CABLES1: variants seen among roughly 807,000 people sequenced by gnomAD.
CABLES1 encodes Cdk5 and Abl enzyme substrate 1.
A neutral mutation model predicts 57.8 loss-of-function variants in CABLES1; 36 were observed. The observed-to-expected ratio is 0.62, with a 90% confidence interval of 0.48 to 0.82. The LOEUF (loss-of-function observed/expected upper bound fraction) is 0.82. Among genes scored for constraint, CABLES1 ranks in the 40% least tolerant of loss-of-function variants. The pLI is 0.00. For synonymous variants in CABLES1, 374 were observed against 363.0 expected (o/e 1.03, Z -0.35); for missense variants, 767 against 836.6 (o/e 0.92, Z 1.03).
At chr18:23,171,951 CAG>C (rs778505377) in intron 1 of CABLES1, among the ~76,000 whole-genome samples, 2 of 152,164 alleles carry the variant, frequency 1.3e-5, no homozygotes, top group African/African-American at 4.8e-5. Flanking sequence ...TTATTTGAGA[CAG>C]AGTCTCACCC....
chr18:23,256,960 C>T (rs2048182489), intron 9 of CABLES1, among the ~76,000 whole-genome samples: 1 of 152,144 alleles, frequency 6.6e-6, no homozygotes, highest in Admixed American at 6.5e-5. Flanking sequence ...GGAGCATGAA[C>T]CATGTCATAT....
Position 23,243,904 on chromosome 18 carries a change from A to G in CABLES1, c.1446+6659A>G, listed in dbSNP as rs140588689. ...AAAAAAAAAAAACTAATACAAAACAAGAGTTTGACATTTCACCCAAGATTT... is the reference window on the plus strand; with the variant it reads ...AAAAAAAAAAAACTAATACAAAACAGGAGTTTGACATTTCACCCAAGATTT... On this transcript the variant is annotated intron_variant, in intron 7 of 9. Transcript: ENST00000256925. Among the ~76,000 whole-genome samples, 764 of 152,104 alleles carry G rather than the reference A, an allele frequency of 5.0e-3. 9 individuals carry two copies. Among genetic ancestry groups the G allele is most frequent in the African/African-American group, 0.017 (713 of 41,480 alleles).
chr18:23,257,328 A>C lies in CABLES1; in HGVS notation c.1863A>C (p.Glu621Asp), dbSNP rs550806538. ...LEFALHLPEH[E>D]VMPHYRRLVQ... ...TCGCCCTCCACTTGCCCGAGCACGA[A>C]GTCATGCCCCACTACAGACGGCTGG... The change falls in exon 10 of 10, where the codon GAA becomes GAC. Residue 621 changes from glutamate to aspartate, a missense_variant. Glu to Asp is a conservative substitution (Grantham distance 45, BLOSUM62 2). Around this residue, in one of 4 missense-constraint regions of CABLES1, gnomAD observed 25 missense variants for 23.1 expected, o/e 1.08. Coordinates refer to ENST00000256925, the MANE Select transcript of CABLES1 (RefSeq NM_001100619.3). 15 of 1,613,562 alleles carry C rather than the reference A, an allele frequency of 9.3e-6. No homozygotes were observed. The highest frequency in any genetic ancestry group is 1.3e-5 in the Non-Finnish European group (15 of 1,179,948).
intron 7 of CABLES1, among the ~76,000 whole-genome samples, chr18:23,244,029 T>C (rs1287689296): frequency 6.6e-6 from 1 of 152,252 alleles, no homozygotes; most frequent in Non-Finnish European, 1.5e-5. Context: ...TCTCTTTCTA[T>C]GTATTTGTCT....
At chr18:23,157,006 A>T (rs1358001983) in intron 1 of CABLES1, among the ~76,000 whole-genome samples, 1 of 152,098 alleles carries the variant, frequency 6.6e-6, no homozygotes, top group Non-Finnish European at 1.5e-5. Flanking sequence ...GTGTTGGGTG[A>T]CTCAAATTTT....
chr18:23,147,327 G>A lies in CABLES1; in HGVS notation c.845+10720G>A, dbSNP rs149230793. On this transcript the variant is annotated intron_variant, in intron 1 of 9. Transcript: ENST00000256925. ...CTTAACGGCACCTTTTGGACAACAC[G>A]CTTAACCACTCTGAACCTCACGTTC... Among the ~76,000 whole-genome samples the A allele has an allele frequency of 1.0e-3, 156 of 152,352 alleles. 1 individual carries two copies. The highest frequency in any genetic ancestry group is 3.3e-3 in the African/African-American group (137 of 41,586).
intron 1 of CABLES1, among the ~76,000 whole-genome samples, chr18:23,150,804 C>A (rs2046924138): frequency 6.6e-6 from 1 of 151,792 alleles, no homozygotes; most frequent in Non-Finnish European, 1.5e-5. Flanking sequence ...AGAGATGGGA[C>A]GCAGGTTTCA....
At chr18:23,169,788 G>C (rs779242628) in intron 1 of CABLES1, among the ~76,000 whole-genome samples, 1 of 152,216 alleles carries the variant, frequency 6.6e-6, no homozygotes, top group Non-Finnish European at 1.5e-5. Flanking sequence ...AATTTGAAAG[G>C]CTGTGGGATA....
intron 9 of CABLES1, among the ~76,000 whole-genome samples, chr18:23,255,042 T>A (rs1360440433): frequency 3.3e-5 from 5 of 152,210 alleles, no homozygotes; most frequent in African/African-American, 1.2e-4. Context: ...TTTGAATAGT[T>A]TTGATGGGCT....
intron 1 of CABLES1, among the ~76,000 whole-genome samples, chr18:23,179,597 C>T (rs1210323116): frequency 6.6e-6 from 1 of 152,254 alleles, no homozygotes; most frequent in Non-Finnish European, 1.5e-5. Context: ...GGTGACCTGG[C>T]CCGGCCAGTA....
At chr18:23,214,123 G>T in intron 4 of CABLES1, 69 bp downstream of exon 4, 1 of 1,092,682 alleles carries the variant, frequency 9.2e-7, no homozygotes, top group Non-Finnish European at 1.4e-6. Context: ...ACATAATGTG[G>T]CCATCCTTTC....
At chr18:23,248,021 C>T (rs1301602824) in intron 7 of CABLES1, among the ~76,000 whole-genome samples, 1 of 152,226 alleles carries the variant, frequency 6.6e-6, no homozygotes, top group Non-Finnish European at 1.5e-5. Context: ...CTGCAGACCC[C>T]AAGAGCTAGG....
chr18:23,182,943 C>T (rs946129205), intron 1 of CABLES1, among the ~76,000 whole-genome samples: 1 of 152,234 alleles, frequency 6.6e-6, no homozygotes, highest in African/African-American at 2.4e-5. Context: ...GGAGAGAGGA[C>T]ACCTCCAACA....
At chr18:23,194,079 A>G (rs1180913459) in intron 2 of CABLES1, among the ~76,000 whole-genome samples, 1 of 152,072 alleles carries the variant, frequency 6.6e-6, no homozygotes, top group Non-Finnish European at 1.5e-5. Flanking sequence ...CTTTAAATGT[A>G]CAGTTTTTGG....
intron 1 of CABLES1, among the ~76,000 whole-genome samples, chr18:23,166,488 C>CCA (rs1055001797): frequency 6.6e-6 from 1 of 152,164 alleles, no homozygotes; most frequent in Non-Finnish European, 1.5e-5. Flanking sequence ...CAGGCGTGAG[C>CCA]CACCGCTCCT....
intron 1 of CABLES1, among the ~76,000 whole-genome samples, chr18:23,161,330 T>C (rs2047002477): frequency 6.6e-6 from 1 of 152,028 alleles, no homozygotes; most frequent in South Asian, 2.1e-4. Context: ...GTTTTGTGGG[T>C]GCTGTGTTCC....
chr18:23,163,470 C>G (rs1013619290), intron 1 of CABLES1, among the ~76,000 whole-genome samples: 2 of 151,972 alleles, frequency 1.3e-5, no homozygotes, highest in African/African-American at 4.8e-5. Flanking sequence ...TAGAAGAGCA[C>G]CTAGCAACAA....
chr18:23,197,324 A>T (rs2047291569), intron 3 of CABLES1: 1 of 152,256 alleles, frequency 6.6e-6, no homozygotes, highest in Non-Finnish European at 1.5e-5. Flanking sequence ...ACACTGGACC[A>T]CAAATCCCAG....
At chr18:23,192,269 G>A (rs1598821398) in intron 2 of CABLES1, among the ~76,000 whole-genome samples, 1 of 152,322 alleles carries the variant, frequency 6.6e-6, no homozygotes, top group South Asian at 2.1e-4. Context: ...GGCTGCCATC[G>A]GCACCTGCCC....
Sources: gnomAD v4.1 joint callset for allele counts (sites outside exome capture counted in the v4.1 genomes callset) on GRCh38, gnomAD v4.1.1 for gene constraint, gnomAD v4.1.1 regional missense constraint, MANE v1.5 for transcripts, NCBI Gene and HGNC (gene_info 2026-07-23, HGNC 2026-07-21) for gene names.